The following GPR160 variants were observed in gnomAD, a reference collection of about 807,000 sequenced individuals.
GPR160 encodes the protein probable G protein-coupled receptor 160.
In GPR160, 2 loss-of-function variants were observed where a neutral mutation model predicts 2.6. That is an observed-to-expected ratio of 0.77 (90% CI 0.32 to 2.44). The LOEUF (loss-of-function observed/expected upper bound fraction) is 2.44, where lower values mean the gene tolerates loss of function less well. Ranked by LOEUF, GPR160 falls within the 30% of genes most tolerant of loss-of-function variation. The pLI is 0.11. For missense variants in GPR160, 351 were observed against 383.6 expected, an observed-to-expected ratio of 0.91 and a Z score of 0.71; for synonymous variants, 130 against 132.2, an observed-to-expected ratio of 0.98 and a Z score of 0.12.
chr3:170,064,766 C>T (rs1712223453), intron 2 of GPR160, among the ~76,000 whole-genome samples: 1 of 152,086 alleles, frequency 6.6e-6, no homozygotes, highest in South Asian at 2.1e-4. Flanking sequence ...CATCCGCCCG[C>T]CTCGGCCTTC....
intron 2 of GPR160, among the ~76,000 whole-genome samples, chr3:170,039,610 G>A (rs1411965278): frequency 1.3e-5 from 2 of 152,214 alleles, no homozygotes; most frequent in East Asian, 1.9e-4. Flanking sequence ...CGGGAAGGCT[G>A]AGGTAGGAGA....
At position 170,084,956 on chromosome 3, in the gene GPR160, A is replaced by T; in HGVS notation, c.984A>T (p.Gln328His). The change falls in exon 4 of 4, where the codon CAA becomes CAT. Residue 328 changes from glutamine (Q) to histidine (H), a missense_variant. Transcript: ENST00000355897. Reference sequence around the variant, plus strand: ...CACTTACAATTCCTAATCTTGAGCAAATTGAAAAGCCTATATCAATAATGA... The same window carrying T: ...CACTTACAATTCCTAATCTTGAGCATATTGAAAAGCCTATATCAATAATGA... ...FIPLTIPNLE[Q>H]IEKPISIMIC The T allele has an allele frequency of 6.4e-7, 1 of 1,574,330 alleles. No individual in the cohort carries two copies. The highest frequency in any genetic ancestry group is 8.6e-7 in the Non-Finnish European group (1 of 1,159,790).
intron 3 of GPR160, among the ~76,000 whole-genome samples, chr3:170,081,633 A>C (rs556568541): frequency 2.0e-5 from 3 of 152,104 alleles, no homozygotes; most frequent in Non-Finnish European, 2.9e-5. Flanking sequence ...TTATAAACTC[A>C]TATCAGGGTG....
intron 2 of GPR160, among the ~76,000 whole-genome samples, chr3:170,070,292 T>G (rs902057700): frequency 6.6e-6 from 1 of 152,250 alleles, no homozygotes; most frequent in South Asian, 2.1e-4. Flanking sequence ...GTGGATTTTC[T>G]TTACTGCATC....
intron 2 of GPR160, among the ~76,000 whole-genome samples, chr3:170,057,069 A>C (rs558821532): frequency 6.6e-6 from 1 of 152,336 alleles, no homozygotes; most frequent in East Asian, 1.9e-4. Flanking sequence ...AGGAGAGCAA[A>C]ACAATTATTT....
At chr3:170,069,685 C>T (rs1399972029) in intron 2 of GPR160, among the ~76,000 whole-genome samples, 2 of 152,182 alleles carry the variant, frequency 1.3e-5, no homozygotes, top group Non-Finnish European at 1.5e-5. Flanking sequence ...CTTTCATCCA[C>T]TCGACCCCCA....
intron 2 of GPR160, among the ~76,000 whole-genome samples, chr3:170,040,024 G>A (rs557005702): frequency 6.6e-6 from 1 of 151,898 alleles, no homozygotes; most frequent in Admixed American, 6.6e-5. Context: ...GGGCCTGTCG[G>A]AGGGTGGGGG....
chr3:170,064,233 T>A (rs1455986061), intron 2 of GPR160, among the ~76,000 whole-genome samples: 1 of 152,168 alleles, frequency 6.6e-6, no homozygotes, highest in African/African-American at 2.4e-5. Context: ...TCCTGCTGGG[T>A]TGAAAGTTCC....
At chr3:170,074,834 C>A (rs1400033860) in intron 2 of GPR160, among the ~76,000 whole-genome samples, 2 of 151,782 alleles carry the variant, frequency 1.3e-5, no homozygotes, top group African/African-American at 2.4e-5. Context: ...TTTAATCTTC[C>A]CTTTAACCTA....
intron 2 of GPR160, among the ~76,000 whole-genome samples, chr3:170,073,236 C>A (rs917527787): frequency 6.6e-6 from 1 of 151,900 alleles, no homozygotes; most frequent in Non-Finnish European, 1.5e-5. Flanking sequence ...GTTGTGACAG[C>A]CCTAGGAAGC....
chr3:170,067,197 A>G (rs1712385558), intron 2 of GPR160, among the ~76,000 whole-genome samples: 1 of 151,964 alleles, frequency 6.6e-6, no homozygotes, highest in African/African-American at 2.4e-5. Flanking sequence ...TAGAGACAGG[A>G]TATTGCCATG....
intron 2 of GPR160, among the ~76,000 whole-genome samples, chr3:170,075,225 A>G (rs917616291): frequency 6.6e-6 from 1 of 152,190 alleles, no homozygotes; most frequent in Non-Finnish European, 1.5e-5. Flanking sequence ...CGAAACTCCA[A>G]CTCAAGCAAA....
At chr3:170,075,108 A>G (rs1712786136) in intron 2 of GPR160, among the ~76,000 whole-genome samples, 1 of 152,080 alleles carries the variant, frequency 6.6e-6, no homozygotes. Flanking sequence ...TGTGCCTGTA[A>G]TCCCTGCTAC....
intron 2 of GPR160, among the ~76,000 whole-genome samples, chr3:170,041,888 ACT>A (rs1447392899): frequency 2.6e-5 from 4 of 152,138 alleles, no homozygotes; most frequent in African/African-American, 9.7e-5. Context: ...ACTAATGTTT[ACT>A]CTCCTCTGTA....
intron 2 of GPR160, among the ~76,000 whole-genome samples, chr3:170,044,486 C>T (rs1196857027): frequency 2.0e-5 from 3 of 151,980 alleles, no homozygotes; most frequent in South Asian, 2.1e-4. Flanking sequence ...GGAACTTGTT[C>T]GCTACCCCCT....
chr3:170,082,744 C>T lies in GPR160; in HGVS notation c.-68-1161C>T, dbSNP rs117604590. On this transcript the variant is annotated intron_variant, in intron 3 of 3. Transcript: ENST00000355897. The stretch of plus-strand genomic sequence containing the variant: ...TTGAGTGGCTGGAACCACAGGTGTG[C>T]ATCACCATGCCCAGGTAATTTTTTT... Among the ~76,000 whole-genome samples the T allele has an allele frequency of 2.7e-4, 41 of 152,016 alleles. No individual in the cohort carries two copies. The East Asian group carries it at 7.9e-3, about 29-fold the overall frequency.
At chr3:170,064,624 T>C (rs2108331709) in intron 2 of GPR160, among the ~76,000 whole-genome samples, 1 of 150,328 alleles carries the variant, frequency 6.7e-6, no homozygotes, top group South Asian at 2.1e-4. Flanking sequence ...GTTAAAGCGA[T>C]TCTTCTGCCT....
chr3:170,066,767 T>C (rs1454495955), intron 2 of GPR160, among the ~76,000 whole-genome samples: 1 of 152,178 alleles, frequency 6.6e-6, no homozygotes, highest in Non-Finnish European at 1.5e-5. Context: ...GATAAATCCT[T>C]AGGAGAGGAG....
intron 2 of GPR160, among the ~76,000 whole-genome samples, chr3:170,046,955 C>A (rs1015086874): frequency 6.6e-6 from 1 of 152,108 alleles, no homozygotes; most frequent in Non-Finnish European, 1.5e-5. Flanking sequence ...AGATTGATAG[C>A]TAAGGTGTTG....
Sources: gnomAD v4.1 joint callset for allele counts (sites outside exome capture counted in the v4.1 genomes callset) on GRCh38, gnomAD v4.1.1 for gene constraint, MANE v1.5 for transcripts, NCBI Gene and HGNC (gene_info 2026-07-23, HGNC 2026-07-21) for gene names.